Variants in MACROD2 observed in about 807,000 individuals in gnomAD.
MACROD2 encodes ADP-ribose glycohydrolase MACROD2.
A neutral mutation model predicts 70.4 loss-of-function variants in MACROD2; 36 were observed. The ratio of observed to expected loss-of-function variants is 0.51; its 90% CI spans 0.39 to 0.68. MACROD2 has a LOEUF of 0.68. MACROD2 is among the 30% of genes least tolerant of loss of function. The pLI is 0.00. For synonymous variants in MACROD2, 172 were observed against 178.8 expected, an observed-to-expected ratio of 0.96 and a Z score of 0.30; for missense variants, 496 against 538.4, an observed-to-expected ratio of 0.92 and a Z score of 0.78.
At chr20:14,242,076 T>C (rs1355991433) in intron 3 of MACROD2, among the ~76,000 whole-genome samples, 2 of 152,174 alleles carry the variant, frequency 1.3e-5, no homozygotes, top group Non-Finnish European at 2.9e-5. Flanking sequence ...TAAAATTGTA[T>C]GCTGAATGTT....
chr20:15,708,173 T>C (rs1017969498), intron 8 of MACROD2, among the ~76,000 whole-genome samples: 4 of 152,152 alleles, frequency 2.6e-5, no homozygotes, highest in Non-Finnish European at 4.4e-5. Context: ...AAATACATGT[T>C]GAGACTACTG....
chr20:15,760,539 C>T (rs574706982), intron 8 of MACROD2, among the ~76,000 whole-genome samples: 42 of 152,212 alleles, frequency 2.8e-4, no homozygotes, highest in African/African-American at 9.6e-4. Context: ...AGGCACTGCA[C>T]GGCAACCCCA....
At chr20:14,768,531 C>T (rs1253003871) in intron 5 of MACROD2, among the ~76,000 whole-genome samples, 2 of 152,048 alleles carry the variant, frequency 1.3e-5, no homozygotes, top group Non-Finnish European at 2.9e-5. Context: ...GGTGCCTAGG[C>T]TTGTCTCAAG....
intron 8 of MACROD2, among the ~76,000 whole-genome samples, chr20:15,846,066 T>C (rs976852635): frequency 6.6e-6 from 1 of 152,248 alleles, no homozygotes; most frequent in Non-Finnish European, 1.5e-5. Context: ...TTCAATTTTA[T>C]ATAAACATTT....
chr20:14,718,292 CAAAAAAAAAA>C lies in MACROD2; in HGVS notation c.418+33350_418+33359del, dbSNP rs11358439. On this transcript the variant is annotated intron_variant, in intron 5 of 17. Coordinates refer to ENST00000684519, the MANE Select transcript of MACROD2 (RefSeq NM_001351661.2). ...TGGGCGACAGAGAGAGACTCTGTCT[CAAAAAAAAAA>C]AAAAAAAAAAAAAAAAGAAGAGATA... 9.1e-5 allele frequency among the ~76,000 whole-genome samples: 5 copies of C among 54,646 alleles called. No individual in the cohort carries two copies. In the South Asian group the frequency reaches 4.5e-3, roughly 49 times the overall value. 35.8% of individuals were successfully genotyped at this position (54,646 alleles called of 152,430 possible). A position where few individuals can be genotyped will look rare whatever the true frequency, so the allele number is the denominator to read the frequency against.
At chr20:14,689,465 G>GT (rs1446179220) in intron 5 of MACROD2, among the ~76,000 whole-genome samples, 1 of 152,106 alleles carries the variant, frequency 6.6e-6, no homozygotes, top group Non-Finnish European at 1.5e-5. Context: ...TGAATAAAAC[G>GT]TAACTCTAAT....
intron 3 of MACROD2, among the ~76,000 whole-genome samples, chr20:14,149,344 T>C (rs911641410): frequency 2.0e-5 from 3 of 152,188 alleles, no homozygotes; most frequent in Admixed American, 2.0e-4. Flanking sequence ...TTCTTTTTTA[T>C]GGACACACAG....
intron 5 of MACROD2, among the ~76,000 whole-genome samples, chr20:14,912,086 G>A (rs1348762356): frequency 6.6e-6 from 1 of 152,094 alleles, no homozygotes; most frequent in Non-Finnish European, 1.5e-5. Context: ...AGATAAATTA[G>A]GGGGTCACTT....
intron 8 of MACROD2, among the ~76,000 whole-genome samples, chr20:15,744,691 TATACACACACACAC>T (rs1411920155): frequency 2.8e-5 from 2 of 72,724 alleles, no homozygotes; most frequent in East Asian, 8.1e-4. Context: ...AGAAACCAAG[TATACACACACACAC>T]ACACACACAC....
intron 5 of MACROD2, among the ~76,000 whole-genome samples, chr20:14,909,396 A>G (rs138039608): frequency 1.4e-4 from 21 of 152,184 alleles, no homozygotes; most frequent in Admixed American, 2.6e-4. Context: ...TCATCAAGCT[A>G]ATAGGCCTAT....
intron 3 of MACROD2, among the ~76,000 whole-genome samples, chr20:14,109,581 C>CA (rs1310660333): frequency 1.3e-5 from 2 of 151,690 alleles, no homozygotes; most frequent in African/African-American, 4.8e-5. Context: ...ACGAATACTG[C>CA]AAAAACTCAA....
At chr20:14,199,642 T>C (rs1378572866) in intron 3 of MACROD2, among the ~76,000 whole-genome samples, 2 of 152,214 alleles carry the variant, frequency 1.3e-5, no homozygotes, top group Admixed American at 1.3e-4. Context: ...TACCATGTTA[T>C]AGTATTTTTC....
chr20:15,435,120 A>G (rs1281685268), intron 7 of MACROD2, among the ~76,000 whole-genome samples: 1 of 152,136 alleles, frequency 6.6e-6, no homozygotes, highest in Non-Finnish European at 1.5e-5. Flanking sequence ...AATTACCACC[A>G]AAGAATTTTT....
intron 4 of MACROD2, among the ~76,000 whole-genome samples, chr20:14,551,463 C>G (rs1056740030): frequency 6.6e-6 from 1 of 152,136 alleles, no homozygotes; most frequent in Non-Finnish European, 1.5e-5. Context: ...CTCTTCACAC[C>G]TCATAATTTC....
intron 3 of MACROD2, among the ~76,000 whole-genome samples, chr20:14,168,806 A>C (rs1194408499): frequency 1.3e-5 from 2 of 152,184 alleles, no homozygotes; most frequent in Non-Finnish European, 2.9e-5. Context: ...TCCTATTGAC[A>C]CTATTCCACA....
chr20:14,217,721 C>G (rs970859079), intron 3 of MACROD2, among the ~76,000 whole-genome samples: 1 of 152,090 alleles, frequency 6.6e-6, no homozygotes, highest in African/African-American at 2.4e-5. Context: ...TCTAATTCCT[C>G]CTGACTTAAG....
intron 8 of MACROD2, chr20:15,552,831 C>G (rs968139060): frequency 6.6e-6 from 1 of 152,176 alleles, no homozygotes; most frequent in Admixed American, 6.5e-5. Flanking sequence ...AAAATCTGAG[C>G]CTCAGTTGCC....
chr20:16,004,318 C>T (rs1048503962), intron 15 of MACROD2, among the ~76,000 whole-genome samples: 2 of 152,262 alleles, frequency 1.3e-5, no homozygotes, highest in East Asian at 1.9e-4. Context: ...ACAGAGACCG[C>T]GTGCCTAGGT....
intron 5 of MACROD2, among the ~76,000 whole-genome samples, chr20:15,192,353 A>C (rs1208737101): frequency 6.6e-6 from 1 of 152,208 alleles, no homozygotes; most frequent in Non-Finnish European, 1.5e-5. Flanking sequence ...CATAATTTTC[A>C]CAAGAACAAG....
Sources: allele counts gnomAD v4.1 joint callset (sites outside exome capture counted in the v4.1 genomes callset), GRCh38; gene constraint gnomAD v4.1.1; transcripts MANE v1.5; gene names NCBI Gene and HGNC (gene_info 2026-07-23, HGNC 2026-07-21).